Variants in FANCA observed in about 807,000 individuals in gnomAD.
FANCA encodes FA complementation group A.
Under a neutral mutation model 194.3 loss-of-function variants are expected in FANCA, and 236 were observed. The observed-to-expected ratio is 1.21, with a 90% CI of 1.09 to 1.35. FANCA has a LOEUF of 1.35. Ranked by LOEUF, FANCA falls within the 40% of genes most tolerant of loss-of-function variation. FANCA has a pLI of 0.00. For missense variants in FANCA, 2,628 were observed against 1,813.9 expected, an observed-to-expected ratio of 1.45 and a Z score of -8.15; for synonymous variants, 1,014 against 715.8, an observed-to-expected ratio of 1.42 and a Z score of -6.65.
rs17227431 is a variant in FANCA at position 89,738,203 on chromosome 16, C to T, written c.*398G>A. ...CCACCACCTGGGCCACCGAGCCCCTCTGTGACCACAGAGGGCCAGGCGGTG... is the reference window on the plus strand; with the variant it reads ...CCACCACCTGGGCCACCGAGCCCCTTTGTGACCACAGAGGGCCAGGCGGTG... On this transcript the variant is annotated 3_prime_UTR_variant, in exon 43 of 43. Transcript: ENST00000389301. 3.7e-6 allele frequency: 6 copies of T among 1,611,368 alleles called. No individual in the cohort carries two copies. Among genetic ancestry groups the T allele is most frequent in the Non-Finnish European group, 8.5e-7 (1 of 1,179,188 alleles).
intron 11 of FANCA, among the ~76,000 whole-genome samples, chr16:89,795,613 G>A (rs934970629): frequency 6.6e-6 from 1 of 152,210 alleles, no homozygotes; most frequent in African/African-American, 2.4e-5. Flanking sequence ...ACTCCAGCAT[G>A]GGCAAGTGAG....
intron 11 of FANCA, among the ~76,000 whole-genome samples, chr16:89,795,014 G>C (rs1186700747): frequency 6.6e-6 from 1 of 152,200 alleles, no homozygotes; most frequent in Non-Finnish European, 1.5e-5. Flanking sequence ...GCTGGGCACA[G>C]CGGCACACGC....
In FANCA at chr16:89,779,966, C is replaced by T. The variant is rs1414835924; in HGVS notation, c.1627-9G>A. On this transcript the variant is annotated splice_polypyrimidine_tract_variant and intron_variant, in intron 17 of 42. Coordinates refer to ENST00000389301, the MANE Select transcript of FANCA (RefSeq NM_000135.4). ...AGAGCTTGGCTGTGGGGCTGGTTCC[C>T]ATACAGGGAGGAAAGGAAAAAGAAC... The T allele has an allele frequency of 6.2e-7, 1 of 1,613,530 alleles. No individual in the cohort carries two copies. Among genetic ancestry groups the T allele is most frequent in the South Asian group, 1.1e-5 (1 of 91,066 alleles).
chr16:89,759,562 A>T (rs3819568), intron 29 of FANCA, among the ~76,000 whole-genome samples: 1 of 151,468 alleles, frequency 6.6e-6, no homozygotes, highest in Admixed American at 6.6e-5. Context: ...GGAGTCTGAC[A>T]TCAGCCTGAG....
intron 17 of FANCA, 144 bp downstream of exon 17, chr16:89,782,715 G>T: frequency 1.4e-6 from 1 of 716,952 alleles, no homozygotes. Flanking sequence ...GAGGCCCGCA[G>T]AGCCTCGCCC....
chr16:89,795,090 G>C (rs1287153072), intron 11 of FANCA, among the ~76,000 whole-genome samples: 1 of 152,110 alleles, frequency 6.6e-6, no homozygotes, highest in Non-Finnish European at 1.5e-5. Context: ...TTCGAGACCA[G>C]CCTGGCCAAC....
rs757962291 is a variant in FANCA at position 89,737,921 on chromosome 16, G to GC, written c.*679_*680insG. The GC allele has an allele frequency of 1.9e-6, 3 of 1,571,354 alleles. No homozygotes were observed. Among genetic ancestry groups the GC allele is most frequent in the African/African-American group, 3.4e-5 (2 of 58,452 alleles). ...AGCCTTTGCAGTAAGTGTGAGTCAG[G>GC]ACCCCCTCCCAGGGCTGTGGCCCTC... On this transcript the variant is annotated 3_prime_UTR_variant, in exon 43 of 43. Transcript: ENST00000389301.
chr16:89,795,824 T>G, intron 11 of FANCA, 82 bp downstream of exon 11: 2 of 989,964 alleles, frequency 2.0e-6, no homozygotes, highest in South Asian at 1.3e-5. Flanking sequence ...TCCTGGCATC[T>G]CCAGTCAGCG....
chr16:89,787,614 C>A lies in FANCA; in HGVS notation c.1360-2650G>T, dbSNP rs938681975. ...AGCCAGGTGTGGTGACATACACCTGCGGACTCAGCTGCTCGGGAAGTTGAG... is the reference window on the plus strand; with the variant it reads ...AGCCAGGTGTGGTGACATACACCTGAGGACTCAGCTGCTCGGGAAGTTGAG... On this transcript the variant is annotated intron_variant, in intron 14 of 42. Transcript: ENST00000389301. Among the ~76,000 whole-genome samples the A allele has an allele frequency of 4.0e-5, 6 of 151,890 alleles. No homozygotes were observed. In the East Asian group the frequency reaches 9.7e-4, roughly 24 times the overall value.
chr16:89,794,701 C>T lies in FANCA; in HGVS notation c.1006+1205G>A, dbSNP rs558418512. ...GTATCCCTCATCTCCCACCAGTTTC[C>T]TGCCTGAGCATCTACCCTGGGGATA... On this transcript the variant is annotated intron_variant, in intron 11 of 42. Transcript: ENST00000389301. Among the ~76,000 whole-genome samples the T allele has an allele frequency of 1.8e-4, 28 of 152,252 alleles. No homozygotes were observed. In the South Asian group the frequency reaches 4.6e-3, roughly 25 times the overall value.
At chr16:89,793,025 G>A (rs1598154593) in intron 11 of FANCA, among the ~76,000 whole-genome samples, 1 of 152,182 alleles carries the variant, frequency 6.6e-6, no homozygotes, top group Admixed American at 6.5e-5. Flanking sequence ...GGAACATGAA[G>A]GTGGACTAGG....
chr16:89,738,385 C>G lies in FANCA; in HGVS notation c.*216G>C. ...TGCTGGAGGCGGGCTTGGTGTCCGG[C>G]TCAAGTAGCCTTCCTCTGCTCTGGG... On this transcript the variant is annotated 3_prime_UTR_variant, in exon 43 of 43. Transcript: ENST00000389301. 1 of 1,401,804 alleles carries G rather than the reference C, an allele frequency of 7.1e-7. No homozygotes were observed. The highest frequency in any genetic ancestry group is 9.6e-7 in the Non-Finnish European group (1 of 1,045,108). The allele number at this position is 1,401,804 out of a possible 1,614,324, so 86.8% of individuals were successfully genotyped here. A position where few individuals can be genotyped will look rare whatever the true frequency, so the allele number is the denominator to read the frequency against.
intron 21 of FANCA, among the ~76,000 whole-genome samples, chr16:89,773,716 G>T (rs1400835273): frequency 6.6e-6 from 1 of 151,910 alleles, no homozygotes; most frequent in African/African-American, 2.4e-5. Context: ...TCGAGGGCTG[G>T]CGAGGGTGGG....
At position 89,783,063 on chromosome 16, in the gene FANCA, G is replaced by C. The variant is rs200291237; in HGVS notation, c.1510C>G (p.Arg504Gly). 6.2e-7 allele frequency: 1 copy of C among 1,613,914 alleles called. No individual in the cohort carries two copies. Among genetic ancestry groups the C allele is most frequent in the African/African-American group, 1.3e-5 (1 of 75,014 alleles). Reference protein sequence around the residue: ...LHPPLVPGKYRSLLTDYISLA... With the variant: ...LHPPLVPGKYGSLLTDYISLA... The stretch of plus-strand genomic sequence containing the variant: ...GAGATGTAGTCTGTGAGGAGGGAGC[G>C]GTACTTGCCGGGAACCAGGGGTGGG... The change falls in exon 16 of 43, where the codon CGC becomes GGC. Residue 504 changes from arginine (R) to glycine (G), a missense_variant. Transcript: ENST00000389301.
intron 14 of FANCA, among the ~76,000 whole-genome samples, chr16:89,785,544 G>A (rs1385918759): frequency 1.3e-5 from 2 of 152,194 alleles, no homozygotes; most frequent in East Asian, 3.9e-4. Context: ...CGAGGAACAT[G>A]AGCAAACCCT....
chr16:89,771,299 A>G (rs1184936730), intron 23 of FANCA, among the ~76,000 whole-genome samples: 5 of 152,038 alleles, frequency 3.3e-5, no homozygotes, highest in Non-Finnish European at 5.9e-5. Flanking sequence ...ACTGTACAAA[A>G]AATGCAGAAA....
At position 89,779,872 on chromosome 16, in the gene FANCA, G is replaced by A. The variant is rs749903896; in HGVS notation, c.1712C>T (p.Ala571Val). The A allele has an allele frequency of 2.0e-5, 32 of 1,613,396 alleles. No individual in the cohort carries two copies. Among genetic ancestry groups the A allele is most frequent in the Non-Finnish European group, 2.7e-5 (32 of 1,179,938 alleles). The change falls in exon 18 of 43, where the codon GCC (alanine) becomes GTC (valine). Residue 571 changes from alanine (A) to valine (V), a missense_variant. Ala to Val is a moderately conservative substitution (Grantham distance 64). Coordinates refer to ENST00000389301, the MANE Select transcript of FANCA (RefSeq NM_000135.4). ...CCTTTTCGGCAGCCCAGCCTACCTG[G>A]CCTCCATGACGGTGACTGGGATGTT... ...TGNIPVTVME[A>V]SIFRRPYYVS...
chr16:89,765,775 C>T (rs181438273), intron 27 of FANCA, among the ~76,000 whole-genome samples: 11 of 152,348 alleles, frequency 7.2e-5, no homozygotes, highest in Non-Finnish European at 1.0e-4. Context: ...GTGGGAACCA[C>T]GCTGCCCTCT....
At chr16:89,780,106 G>T in intron 17 of FANCA, 149 bp from the exon 18 acceptor site, 4 of 752,944 alleles carry the variant, frequency 5.3e-6, no homozygotes, top group African/African-American at 1.7e-5. Context: ...GCACAGCAGG[G>T]GCCCTGGAGC....
Sources: gnomAD v4.1 joint callset for allele counts (sites outside exome capture counted in the v4.1 genomes callset) on GRCh38, gnomAD v4.1.1 for gene constraint, MANE v1.5 for transcripts, NCBI Gene and HGNC (gene_info 2026-07-23, HGNC 2026-07-21) for gene names.